XIRP2: variants seen among roughly 807,000 people sequenced by gnomAD.
The protein encoded by XIRP2 is xin actin-binding repeat-containing protein 2.
Under a neutral mutation model 277.0 loss-of-function variants are expected in XIRP2, and 236 were observed. That is an observed-to-expected ratio of 0.85 (90% CI 0.77 to 0.95). XIRP2 has a LOEUF of 0.95. XIRP2 is among the 40% of genes least tolerant of loss of function. XIRP2 has a pLI of 0.00. For synonymous variants in XIRP2, 1,490 were observed against 1,416.5 expected, an observed-to-expected ratio of 1.05 and a Z score of -1.17; for missense variants, 4,640 against 4,157.5, an observed-to-expected ratio of 1.12 and a Z score of -3.19.
At chr2:167,016,550 T>C (rs1687831674) in intron 2 of XIRP2, among the ~76,000 whole-genome samples, 7 of 151,974 alleles carry the variant, frequency 4.6e-5, no homozygotes, top group Admixed American at 4.6e-4. Context: ...TTGTACTCAA[T>C]ATAACACAAA....
At chr2:167,241,990 C>T (rs761512472) in intron 8 of XIRP2, 80 bp downstream of exon 8, 2 of 1,439,190 alleles carry the variant, frequency 1.4e-6, no homozygotes, top group Non-Finnish European at 1.8e-6. Flanking sequence ...TTATTGAATA[C>T]TTGAGGTGGC....
intron 2 of XIRP2, among the ~76,000 whole-genome samples, chr2:166,995,401 T>G (rs1006625333): frequency 6.6e-6 from 1 of 152,230 alleles, no homozygotes; most frequent in African/African-American, 2.4e-5. Context: ...TCTAAATTAC[T>G]GAAGGTTCCA....
intron 2 of XIRP2, among the ~76,000 whole-genome samples, chr2:167,118,482 G>GGTAAA (rs371003374): frequency 8.2e-6 from 1 of 122,164 alleles, no homozygotes; most frequent in Non-Finnish European, 1.7e-5. Flanking sequence ...ACTCTGTCTC[G>GGTAAA]ATAAAATAAA....
intron 5 of XIRP2, among the ~76,000 whole-genome samples, chr2:167,221,772 G>A (rs1187999115): frequency 6.6e-6 from 1 of 152,114 alleles, no homozygotes; most frequent in Non-Finnish European, 1.5e-5. Flanking sequence ...GAAAGTCCTT[G>A]AGATTTATTT....
chr2:166,965,418 G>A (rs1377426175), intron 2 of XIRP2, among the ~76,000 whole-genome samples: 3 of 151,866 alleles, frequency 2.0e-5, no homozygotes. Context: ...CTCAATGACT[G>A]TGGAATTCAG....
chr2:167,043,302 AG>A (rs1688709572), intron 2 of XIRP2, among the ~76,000 whole-genome samples: 1 of 152,142 alleles, frequency 6.6e-6, no homozygotes, highest in Admixed American at 6.6e-5. Context: ...ACCATCTCAA[AG>A]GTAACAGGAG....
chr2:167,215,148 G>A (rs1401373084), intron 4 of XIRP2, among the ~76,000 whole-genome samples: 2 of 151,898 alleles, frequency 1.3e-5, no homozygotes, highest in Non-Finnish European at 2.9e-5. Context: ...TGGCAGAAGG[G>A]GTAAAATAAA....
intron 5 of XIRP2, among the ~76,000 whole-genome samples, chr2:167,235,377 T>C (rs918680229): frequency 1.3e-5 from 2 of 151,908 alleles, no homozygotes; most frequent in African/African-American, 4.8e-5. Context: ...CATAGGTTTA[T>C]ATGGAAGAAT....
chr2:167,071,298 A>G (rs1466317016), intron 2 of XIRP2, among the ~76,000 whole-genome samples: 1 of 152,232 alleles, frequency 6.6e-6, no homozygotes. Context: ...CGTTTTACAC[A>G]GAAAAGTTAA....
Position 167,246,225 on chromosome 2 carries a change from C to A in XIRP2, c.4833C>A (p.Asn1611Lys). 2 of 1,613,118 alleles carry A rather than the reference C, an allele frequency of 1.2e-6. No homozygotes were observed. The highest frequency in any genetic ancestry group is 1.7e-6 in the Non-Finnish European group (2 of 1,179,674). ...CTGATCTCAGAAATATAATGGTGAACCTACTTTCCAAAAGGGACTGTACTG... is the reference window on the plus strand; with the variant it reads ...CTGATCTCAGAAATATAATGGTGAAACTACTTTCCAAAAGGGACTGTACTG... ...IRADLRNIMV[N>K]LLSKRDCTER... Residue 1611 changes from asparagine to lysine, a missense_variant, in exon 9 of 11, where the codon AAC becomes AAA. By Grantham distance (94) the Asn-to-Lys change is moderately conservative. Coordinates refer to ENST00000409195, the MANE Select transcript of XIRP2 (RefSeq NM_152381.6).
At chr2:166,903,927 T>C (rs1684452135) in intron 2 of XIRP2, 37 bp downstream of exon 2, 1 of 1,575,406 alleles carries the variant, frequency 6.3e-7, no homozygotes, top group Non-Finnish European at 8.6e-7. Flanking sequence ...TGTTTACATA[T>C]GACTTCCTTG....
chr2:167,170,329 G>A (rs1486007431), intron 3 of XIRP2, among the ~76,000 whole-genome samples: 3 of 151,942 alleles, frequency 2.0e-5, no homozygotes, highest in African/African-American at 4.8e-5. Context: ...AAACATGTCA[G>A]GAAGTGTTTC....
chr2:167,240,371 C>T (rs1330205540), intron 6 of XIRP2, among the ~76,000 whole-genome samples: 3 of 152,046 alleles, frequency 2.0e-5, no homozygotes, highest in African/African-American at 7.2e-5. Flanking sequence ...GCCGAGTTCG[C>T]GCCATTGCAC....
At chr2:167,154,779 A>T (rs1457058678) in intron 3 of XIRP2, among the ~76,000 whole-genome samples, 2 of 152,086 alleles carry the variant, frequency 1.3e-5, no homozygotes, top group Non-Finnish European at 2.9e-5. Flanking sequence ...GACACAAAAA[A>T]CCCTTCAAAA....
At chr2:167,170,195 A>G (rs1044759732) in intron 3 of XIRP2, among the ~76,000 whole-genome samples, 1 of 152,100 alleles carries the variant, frequency 6.6e-6, no homozygotes, top group Non-Finnish European at 1.5e-5. Context: ...TTATATTGCT[A>G]TATTTAAGTT....
intron 3 of XIRP2, among the ~76,000 whole-genome samples, chr2:167,193,815 T>A (rs1184458949): frequency 2.0e-5 from 3 of 146,960 alleles, no homozygotes; most frequent in African/African-American, 7.6e-5. Context: ...GAGGTGGAGG[T>A]TGCAGTGAGC....
At chr2:167,018,102 A>T (rs1687880807) in intron 2 of XIRP2, among the ~76,000 whole-genome samples, 1 of 151,994 alleles carries the variant, frequency 6.6e-6, no homozygotes, top group Non-Finnish European at 1.5e-5. Flanking sequence ...ATTTCTCGTC[A>T]TCTCTCTACA....
At chr2:166,981,350 T>A (rs1686864918) in intron 2 of XIRP2, among the ~76,000 whole-genome samples, 2 of 152,132 alleles carry the variant, frequency 1.3e-5, no homozygotes, top group Admixed American at 1.3e-4. Context: ...AATCTACCTG[T>A]CTTCACATGG....
At chr2:167,090,558 T>G (rs1406351895) in intron 2 of XIRP2, among the ~76,000 whole-genome samples, 1 of 152,170 alleles carries the variant, frequency 6.6e-6, no homozygotes, top group African/African-American at 2.4e-5. Flanking sequence ...TTTGTGTTTC[T>G]ATGAAAGAAT....
Sources: allele counts gnomAD v4.1 joint callset (sites outside exome capture counted in the v4.1 genomes callset), GRCh38; gene constraint gnomAD v4.1.1; transcripts MANE v1.5; gene names NCBI Gene and HGNC (gene_info 2026-07-23, HGNC 2026-07-21).